The following MIB2 variants were observed in gnomAD, a reference collection of about 807,000 sequenced individuals.
MIB2 encodes the protein E3 ubiquitin-protein ligase MIB2.
MIB2 carries 78 observed loss-of-function variants against 96.6 expected under a neutral mutation model. The ratio of observed to expected loss-of-function variants is 0.81; its 90% CI spans 0.67 to 0.97. The LOEUF is 0.97. Ranked by LOEUF, MIB2 falls within the 50% of genes least tolerant of loss-of-function variation. The probability of loss-of-function intolerance (pLI) is 0.00; values close to 1 mark genes in which losing one functional copy is unlikely to be tolerated. For synonymous variants in MIB2, 820 were observed against 629.5 expected (o/e 1.30, Z -4.53); for missense variants, 1,543 against 1,424.0 (o/e 1.08, Z -1.35).
At chr1:1,623,329 G>A (rs1569728346) in intron 2 of MIB2, 102 bp from the exon 3 acceptor site, 8 of 1,499,364 alleles carry the variant, frequency 5.3e-6, no homozygotes, top group Admixed American at 2.2e-5. Context: ...CTGCTCTCCC[G>A]CGGAGCCCAC....
intron 2 of MIB2, 31 bp from the exon 3 acceptor site, chr1:1,623,400 C>G (rs1230358380): frequency 1.3e-6 from 2 of 1,599,514 alleles, no homozygotes; most frequent in Admixed American, 3.4e-5. Context: ...TCCCGAGCAG[C>G]CCGGCCCACC....
rs1029544868 is a variant in MIB2, at chr1:1,628,371, G to C, written c.1940G>C (p.Arg647Pro). The C allele has an allele frequency of 1.2e-6, 2 of 1,612,594 alleles. No individual in the cohort carries two copies. The highest frequency in any genetic ancestry group is 1.7e-6 in the Non-Finnish European group (2 of 1,179,866). The change falls in exon 15 of 20, where the codon CGC becomes CCC. Residue 647 changes from arginine to proline, a missense_variant. Transcript: ENST00000355826. ...ALHLAALNNH[R>P]EVAQILIREG... ...CATCTGGCTGCCCTCAACAACCACC[G>C]CGAGGTGGCCCAGATCCTCATCCGG...
intron 19 of MIB2, among the ~76,000 whole-genome samples, chr1:1,630,067 C>G (rs1429431684): frequency 6.7e-6 from 1 of 149,120 alleles, no homozygotes; most frequent in African/African-American, 2.5e-5. Context: ...ACCTGCAGCC[C>G]TGACTCCAGC....
intron 2 of MIB2, among the ~76,000 whole-genome samples, chr1:1,622,723 T>C (rs1233352021): frequency 6.6e-6 from 1 of 152,180 alleles, no homozygotes; most frequent in African/African-American, 2.4e-5. Flanking sequence ...CTGTCGTGAG[T>C]GCCTTGCGTG....
At position 1,626,311 on chromosome 1, in the gene MIB2, C is replaced by G; in HGVS notation, c.973-339C>G. 1 of 373,904 alleles carries G rather than the reference C, an allele frequency of 2.7e-6. No individual in the cohort carries two copies. The highest frequency in any genetic ancestry group is 4.8e-6 in the Non-Finnish European group (1 of 206,300). The allele number at this position is 373,904 out of a possible 1,614,324, so 23.2% of individuals were successfully genotyped here. On this transcript the variant is annotated intron_variant, in intron 8 of 19. Coordinates refer to ENST00000355826, the MANE Select transcript of MIB2 (RefSeq NM_001170687.4). This position sits in a 1 kb window ranked among gnomAD's most constrained non-coding sequence, Gnocchi z 5.3. ...TGCACCCCATGGTCCTGGGGCCCCA[C>G]CCCCACGCTGGCTCACGGGCCCTGG...
At chr1:1,623,368 G>A in intron 2 of MIB2, 63 bp from the exon 3 acceptor site, 1 of 1,583,918 alleles carries the variant, frequency 6.3e-7, no homozygotes, top group South Asian at 1.1e-5. Context: ...ATGGTGGCCT[G>A]AGAATACCCT....
intron 4 of MIB2, 107 bp downstream of exon 4, chr1:1,624,052 G>A (rs1291106621): frequency 1.7e-5 from 23 of 1,318,398 alleles, no homozygotes; most frequent in East Asian, 5.1e-5. Flanking sequence ...CCAGGAAGAC[G>A]GAGCAAGTCT....
upstream of MIB2, chr1:1,615,483 G>GCGGGCCCTGGGCT (rs747657354): frequency 3.3e-6 from 5 of 1,524,056 alleles, no homozygotes; most frequent in South Asian, 6.1e-5. Context: ...TCCGGCGGGG[G>GCGGGCCCTGGGCT]CGGGCCCTGG....
At chr1:1,624,949 C>T in intron 5 of MIB2, 42 bp from the exon 6 acceptor site, 36 of 1,606,428 alleles carry the variant, frequency 2.2e-5, no homozygotes, top group Non-Finnish European at 3.1e-5. Context: ...GTGGCTGGCT[C>T]ATGGCTCAGC....
In MIB2 at chr1:1,625,729, G is replaced by T. The variant is rs1644697321; in HGVS notation, c.972+76G>T. ...CCACGTACCCCCTTGGCCTTGGGGGGTCAGGCAGGACTAGGGTGCCAGCTG... is the reference window on the plus strand; with the variant it reads ...CCACGTACCCCCTTGGCCTTGGGGGTTCAGGCAGGACTAGGGTGCCAGCTG... On this transcript the variant is annotated intron_variant, in intron 8 of 19. Coordinates refer to ENST00000355826, the MANE Select transcript of MIB2 (RefSeq NM_001170687.4). This position sits in a 1 kb window ranked among gnomAD's most constrained non-coding sequence, Gnocchi z 5.0. The T allele has an allele frequency of 7.1e-6, 9 of 1,272,778 alleles. No homozygotes were observed. The highest frequency in any genetic ancestry group is 9.9e-6 in the Non-Finnish European group (9 of 904,890). 78.8% of individuals were successfully genotyped at this position (1,272,778 alleles called of 1,614,324 possible). A position where few individuals can be genotyped will look rare whatever the true frequency, so the allele number is the denominator to read the frequency against.
Position 1,623,594 on chromosome 1 carries a change from C to T in MIB2, c.142C>T (p.Pro48Ser). Residue 48 changes from proline to serine, a missense_variant, in exon 3 of 20, where the codon CCC (proline) becomes TCC (serine). Coordinates refer to ENST00000355826, the MANE Select transcript of MIB2 (RefSeq NM_001170687.4). ...TGGCCGCCACGGCAGCCCCTCGACA[C>T]CCGACCGCACAGTGGTCGTGCAGTG... ...ELGRHGSPST[P>S]DRTVVVQWDQ... is the part of the protein sequence containing the mutation. 1 of 1,507,192 alleles carries T rather than the reference C, an allele frequency of 6.6e-7. No homozygotes were observed. The highest frequency in any genetic ancestry group is 8.9e-7 in the Non-Finnish European group (1 of 1,127,872). The allele number at this position is 1,507,192 out of a possible 1,614,324, so 93.4% of individuals were successfully genotyped here. A position where few individuals can be genotyped will look rare whatever the true frequency, so the allele number is the denominator to read the frequency against.
intron 2 of MIB2, 28 bp from the exon 3 acceptor site, chr1:1,623,403 G>A (rs374321114): frequency 1.5e-5 from 24 of 1,599,562 alleles, no homozygotes; most frequent in East Asian, 2.3e-5. Flanking sequence ...CGAGCAGCCC[G>A]GCCCACCATG....
Position 1,627,211 on chromosome 1 carries a change from A to C in MIB2, c.1374+4A>C. The C allele has an allele frequency of 6.2e-7, 1 of 1,607,228 alleles. No homozygotes were observed. Among genetic ancestry groups the C allele is most frequent in the Admixed American group, 1.7e-5 (1 of 58,990 alleles). On this transcript the variant is annotated splice_donor_region_variant and intron_variant, in intron 11 of 19. Coordinates refer to ENST00000355826, the MANE Select transcript of MIB2 (RefSeq NM_001170687.4). ...GCTGCGGAGGCGCCCAGAGCAGGCAAGCTCCTGACCCCGTCCTCCCATACT... is the reference window on the plus strand; with the variant it reads ...GCTGCGGAGGCGCCCAGAGCAGGCACGCTCCTGACCCCGTCCTCCCATACT...
chr1:1,617,725 G>A (rs370142736), intron 2 of MIB2: 4 of 152,256 alleles, frequency 2.6e-5, no homozygotes, highest in Admixed American at 2.0e-4. Flanking sequence ...GGTAAGTTCC[G>A]ATTTGCCAAA....
rs1644674425 is a variant in MIB2, at chr1:1,625,544, A to C, written c.865-2A>C. The C allele has an allele frequency of 6.4e-7, 1 of 1,572,076 alleles. No homozygotes were observed. The highest frequency in any genetic ancestry group is 1.4e-5 in the African/African-American group (1 of 73,670). ...CAGCCACAGCTCCATGACCCGCCAC[A>C]GTTTATCGGACAGACGGGCACCGTG... On this transcript the variant is annotated splice_acceptor_variant, in intron 7 of 19. Coordinates refer to ENST00000355826, the MANE Select transcript of MIB2 (RefSeq NM_001170687.4). LOFTEE classifies it high-confidence loss of function. This position sits in a 1 kb window ranked among gnomAD's most constrained non-coding sequence, Gnocchi z 5.0.
intron 2 of MIB2, chr1:1,623,133 G>A (rs1380891300): frequency 2.0e-5 from 10 of 504,840 alleles, no homozygotes; most frequent in Admixed American, 1.2e-4. Flanking sequence ...TTCCGAGAGC[G>A]TTATTTGTGA....
intron 19 of MIB2, among the ~76,000 whole-genome samples, 187 bp downstream of exon 19, chr1:1,629,891 C>G (rs952885074): frequency 1.4e-4 from 21 of 146,062 alleles, no homozygotes; most frequent in African/African-American, 5.3e-4. Flanking sequence ...AGATCACACC[C>G]GGCCCACAGC....
intron 4 of MIB2, chr1:1,624,153 C>CA: frequency 1.6e-6 from 1 of 606,638 alleles, no homozygotes; most frequent in Non-Finnish European, 2.8e-6. Flanking sequence ...GGCCATCAGG[C>CA]AGCCAGCATC....
chr1:1,627,709 T>G lies in MIB2; in HGVS notation c.1560T>G (p.Ala520=), dbSNP rs377290775. 1.6e-4 allele frequency: 251 copies of G among 1,595,282 alleles called. No individual in the cohort carries two copies. Among genetic ancestry groups the G allele is most frequent in the Admixed American group, 5.0e-5 (3 of 59,620 alleles). The change falls in exon 13 of 20, where the codon GCT becomes GCG. Residue 520 remains alanine, a synonymous_variant. Transcript: ENST00000355826. ...AGGCCACCAGGGTGCTCCTGAGTGC[T>G]GGGTGCCGGGCGGACGCCATCAACA... The part of the protein sequence containing the change: ...QPEATRVLLS[A]GCRADAINST...
Sources: gnomAD v4.1 joint callset for allele counts (sites outside exome capture counted in the v4.1 genomes callset) on GRCh38, gnomAD v4.1.1 for gene constraint, Gnocchi (gnomAD v3.1) non-coding constraint, MANE v1.5 for transcripts, NCBI Gene and HGNC (gene_info 2026-07-23, HGNC 2026-07-21) for gene names.